The following DKK2 variants were observed in gnomAD, a reference collection of about 807,000 sequenced individuals.
DKK2 encodes the protein dickkopf-related protein 2.
DKK2 carries 11 observed loss-of-function variants against 28.1 expected under a neutral mutation model. That is an observed-to-expected ratio of 0.39 (90% CI 0.25 to 0.65). The LOEUF (loss-of-function observed/expected upper bound fraction) is 0.65, where lower values mean the gene tolerates loss of function less well. DKK2 is among the 30% of genes least tolerant of loss of function. The pLI, the probability that DKK2 is intolerant of heterozygous loss-of-function variation, is 0.47. For synonymous variants in DKK2, 135 were observed against 126.5 expected (o/e 1.07, Z -0.45); for missense variants, 326 against 335.5 (o/e 0.97, Z 0.22).
Position 106,962,489 on chromosome 4 carries a change from CTATGTGTGTGTGTGTGTGTGTGTG to C in DKK2, c.223-36564_223-36541del, listed in dbSNP as rs1271304413. On this transcript the variant is annotated intron_variant, in intron 1 of 3. Transcript: ENST00000285311. ...TCTTCAAGAAATGGAGCCAGAAAAACTATGTGTGTGTGTGTGTGTGTGTGTGTGTGTGTGTGTGTGTGTGTGTGT... is the reference window on the plus strand; with the variant it reads ...TCTTCAAGAAATGGAGCCAGAAAAACTGTGTGTGTGTGTGTGTGTGTGTGT... Among the ~76,000 whole-genome samples, 669 of 113,124 alleles carry C rather than the reference CTATGTGTGTGTGTGTGTGTGTGTG, an allele frequency of 5.9e-3. 4 individuals are homozygous for C. The highest frequency in any genetic ancestry group is 8.1e-3 in the Non-Finnish European group (446 of 54,890). The allele number at this position is 113,124 out of a possible 152,430, so 74.2% of individuals were successfully genotyped here.
intron 1 of DKK2, among the ~76,000 whole-genome samples, chr4:106,954,769 C>A (rs1028899497): frequency 6.6e-6 from 1 of 152,172 alleles, no homozygotes; most frequent in African/African-American, 2.4e-5. Context: ...GATCTGCCTG[C>A]CTCGCCCTCG....
chr4:107,026,450 C>T (rs1723780227), intron 1 of DKK2, among the ~76,000 whole-genome samples: 1 of 152,138 alleles, frequency 6.6e-6, no homozygotes, highest in South Asian at 2.1e-4. Flanking sequence ...ATTTTATGAG[C>T]TTAAGTCATA....
At chr4:106,978,184 T>G (rs1051408647) in intron 1 of DKK2, among the ~76,000 whole-genome samples, 1 of 152,166 alleles carries the variant, frequency 6.6e-6, no homozygotes, top group Admixed American at 6.5e-5. Flanking sequence ...CGACCCCTGC[T>G]GGGAGGTATC....
At chr4:106,942,782 C>T (rs1724720313) in intron 1 of DKK2, among the ~76,000 whole-genome samples, 3 of 151,454 alleles carry the variant, frequency 2.0e-5, no homozygotes, top group Admixed American at 1.3e-4. Context: ...TTTTTTTTTC[C>T]CTCACATTGA....
intron 1 of DKK2, among the ~76,000 whole-genome samples, chr4:106,950,810 A>C (rs2110346720): frequency 6.6e-6 from 1 of 152,328 alleles, no homozygotes; most frequent in African/African-American, 2.4e-5. Context: ...ATAATCCATA[A>C]GTGTACACAT....
At chr4:106,981,415 T>C (rs1403797328) in intron 1 of DKK2, among the ~76,000 whole-genome samples, 1 of 152,186 alleles carries the variant, frequency 6.6e-6, no homozygotes, top group East Asian at 1.9e-4. Context: ...ATTTAAAGCC[T>C]GTATCTTTGA....
chr4:107,015,907 A>G (rs1199604536), intron 1 of DKK2, among the ~76,000 whole-genome samples: 1 of 151,814 alleles, frequency 6.6e-6, no homozygotes, highest in African/African-American at 2.4e-5. Context: ...TCAAATGTCT[A>G]TGTACCACTC....
intron 1 of DKK2, among the ~76,000 whole-genome samples, chr4:106,929,851 T>A (rs1018466830): frequency 3.3e-5 from 5 of 152,170 alleles, no homozygotes; most frequent in Non-Finnish European, 7.4e-5. Context: ...TAGAAATAAG[T>A]AATGTGTGCT....
chr4:106,924,474 G>A, intron 3 of DKK2, 71 bp downstream of exon 3: 1 of 1,515,932 alleles, frequency 6.6e-7, no homozygotes, highest in South Asian at 1.3e-5. Context: ...TAAAACCAAT[G>A]GAATTAATTA....
At chr4:107,014,816 TAC>T (rs1328265322) in intron 1 of DKK2, among the ~76,000 whole-genome samples, 14 of 150,186 alleles carry the variant, frequency 9.3e-5, no homozygotes, top group Admixed American at 2.7e-4. Context: ...AAATAGGTTC[TAC>T]ACACACACAC....
intron 1 of DKK2, among the ~76,000 whole-genome samples, chr4:107,007,851 T>C (rs1723458956): frequency 6.6e-6 from 1 of 152,160 alleles, no homozygotes. Flanking sequence ...CATAAAAACA[T>C]ACTTGATATT....
At chr4:106,991,578 T>C (rs1723204514) in intron 1 of DKK2, among the ~76,000 whole-genome samples, 1 of 152,216 alleles carries the variant, frequency 6.6e-6, no homozygotes, top group African/African-American at 2.4e-5. Context: ...CCTACATTTC[T>C]AAAGTCCTAT....
chr4:106,956,736 TA>T (rs1722599857), intron 1 of DKK2, among the ~76,000 whole-genome samples: 1 of 151,820 alleles, frequency 6.6e-6, no homozygotes, highest in Non-Finnish European at 1.5e-5. Flanking sequence ...CCTTACACCT[TA>T]TACAAAAATT....
At chr4:106,929,421 G>T (rs1304810529) in intron 1 of DKK2, among the ~76,000 whole-genome samples, 2 of 152,108 alleles carry the variant, frequency 1.3e-5, no homozygotes, top group Non-Finnish European at 1.5e-5. Flanking sequence ...TGAATCATAC[G>T]CTCAGCTTAT....
intron 1 of DKK2, among the ~76,000 whole-genome samples, chr4:106,939,474 G>A (rs1023453652): frequency 1.3e-5 from 2 of 152,146 alleles, no homozygotes; most frequent in Admixed American, 6.5e-5. Context: ...CAAACAAATG[G>A]AAGAACATTC....
At chr4:106,927,067 A>G (rs1408162528) in intron 1 of DKK2, among the ~76,000 whole-genome samples, 2 of 150,774 alleles carry the variant, frequency 1.3e-5, no homozygotes, top group Non-Finnish European at 2.9e-5. Flanking sequence ...TTTTTAATTG[A>G]AAATACAAAA....
chr4:106,972,847 G>T (rs923325602), intron 1 of DKK2, among the ~76,000 whole-genome samples: 1 of 152,042 alleles, frequency 6.6e-6, no homozygotes, highest in African/African-American at 2.4e-5. Flanking sequence ...CCACCAATCT[G>T]TCATTTACAT....
chr4:106,977,650 A>G (rs1382678106), intron 1 of DKK2, among the ~76,000 whole-genome samples: 3 of 151,864 alleles, frequency 2.0e-5, no homozygotes, highest in Non-Finnish European at 4.4e-5. Flanking sequence ...ACCTTTTTTC[A>G]AGTTCTTAGC....
At chr4:107,013,516 C>A (rs571241383) in intron 1 of DKK2, among the ~76,000 whole-genome samples, 1 of 151,328 alleles carries the variant, frequency 6.6e-6, no homozygotes, top group East Asian at 1.9e-4. Flanking sequence ...TAGACTATCT[C>A]TCACATACAT....
Sources: gnomAD v4.1 joint callset for allele counts (sites outside exome capture counted in the v4.1 genomes callset) on GRCh38, gnomAD v4.1.1 for gene constraint, MANE v1.5 for transcripts, NCBI Gene and HGNC (gene_info 2026-07-23, HGNC 2026-07-21) for gene names.